SMYD3: variants seen among roughly 807,000 people sequenced by gnomAD.
SMYD3 encodes the protein histone-lysine N-methyltransferase SMYD3.
A neutral mutation model predicts 57.7 loss-of-function variants in SMYD3; 36 were observed. That is an observed-to-expected ratio of 0.62 (90% CI 0.48 to 0.82). The LOEUF (loss-of-function observed/expected upper bound fraction) is 0.82. SMYD3 is among the 40% of genes least tolerant of loss of function. SMYD3 has a pLI of 0.00. For synonymous variants in SMYD3, 211 were observed against 195.0 expected (o/e 1.08, Z -0.68); for missense variants, 515 against 538.8 (o/e 0.96, Z 0.44).
chr1:246,246,744 G>A (rs1480393571), intron 5 of SMYD3, among the ~76,000 whole-genome samples: 1 of 151,538 alleles, frequency 6.6e-6, no homozygotes, highest in Non-Finnish European at 1.5e-5. Context: ...TGTGGAAACT[G>A]AGCCACATAG....
In SMYD3 at chr1:246,244,049, C is replaced by CAT. The variant is rs772022411; in HGVS notation, c.531+83150_531+83151dup. 2.0e-4 allele frequency among the ~76,000 whole-genome samples: 30 copies of CAT among 150,658 alleles called. 1 individual carries two copies. The highest frequency in any genetic ancestry group is 8.5e-4 in the South Asian group (4 of 4,716). On this transcript the variant is annotated intron_variant, in intron 5 of 11. Coordinates refer to ENST00000490107, the MANE Select transcript of SMYD3 (RefSeq NM_001167740.2). ...TATATATATATTTTAACATGGGACT[C>CAT]ATATATATATATGAGTTAAAAAAAC...
At chr1:245,954,548 C>T (rs1224900447) in intron 5 of SMYD3, among the ~76,000 whole-genome samples, 8 of 152,114 alleles carry the variant, frequency 5.3e-5, no homozygotes, top group Non-Finnish European at 1.2e-4. Flanking sequence ...TGCTGGCAGG[C>T]ACCAGCAGTC....
chr1:245,873,076 T>A (rs968624187), intron 8 of SMYD3, among the ~76,000 whole-genome samples: 3 of 152,242 alleles, frequency 2.0e-5, no homozygotes, highest in African/African-American at 7.2e-5. Flanking sequence ...TTTGAGAGCC[T>A]ACCTCTTGTC....
intron 5 of SMYD3, among the ~76,000 whole-genome samples, chr1:246,002,246 G>A (rs11800325): frequency 0.15 from 20,784 of 143,082 alleles, 1,640 homozygotes; most frequent in East Asian, 0.2. Flanking sequence ...GTGCTGTGGC[G>A]CGATCTCGGC....
chr1:246,102,148 T>TA (rs1459466893), intron 5 of SMYD3, among the ~76,000 whole-genome samples: 1 of 152,196 alleles, frequency 6.6e-6, no homozygotes, highest in African/African-American at 2.4e-5. Context: ...TAGCAATGCT[T>TA]CCACTATGTA....
intron 5 of SMYD3, among the ~76,000 whole-genome samples, chr1:246,318,833 A>G (rs936450948): frequency 5.3e-5 from 8 of 152,252 alleles, no homozygotes; most frequent in Non-Finnish European, 1.2e-4. Flanking sequence ...ATGCTGATTA[A>G]GAACTTACTA....
intron 1 of SMYD3, among the ~76,000 whole-genome samples, chr1:246,502,301 T>C (rs2103078802): frequency 6.6e-6 from 1 of 152,052 alleles, no homozygotes; most frequent in East Asian, 1.9e-4. Flanking sequence ...CAGGTAATTA[T>C]TTGTATTTTT....
At chr1:246,283,237 T>C (rs549086755) in intron 5 of SMYD3, among the ~76,000 whole-genome samples, 2 of 152,318 alleles carry the variant, frequency 1.3e-5, no homozygotes, top group Non-Finnish European at 1.5e-5. Flanking sequence ...TCATCTACTT[T>C]CCTAAGCCAG....
chr1:245,986,948 T>G (rs1469680613), intron 5 of SMYD3, among the ~76,000 whole-genome samples: 1 of 152,242 alleles, frequency 6.6e-6, no homozygotes, highest in Non-Finnish European at 1.5e-5. Context: ...TTGCATTTTA[T>G]GTAAATGTCA....
chr1:245,804,115 A>G (rs1244314647), intron 10 of SMYD3, among the ~76,000 whole-genome samples: 1 of 151,672 alleles, frequency 6.6e-6, no homozygotes, highest in African/African-American at 2.4e-5. Context: ...GTTTCAACAT[A>G]TTGGCCAGGC....
intron 5 of SMYD3, chr1:246,326,870 G>A (rs983036316): frequency 1.5e-5 from 5 of 337,038 alleles, no homozygotes; most frequent in South Asian, 4.7e-5. Flanking sequence ...GCAATGCAAC[G>A]GCAAACAAGT....
chr1:246,272,936 T>C (rs1036932869), intron 5 of SMYD3, among the ~76,000 whole-genome samples: 13 of 152,276 alleles, frequency 8.5e-5, no homozygotes, highest in Admixed American at 4.6e-4. Context: ...TGTTGAGAGA[T>C]TATTGATTAC....
At chr1:245,936,301 C>T (rs1358835329) in intron 5 of SMYD3, among the ~76,000 whole-genome samples, 1 of 151,774 alleles carries the variant, frequency 6.6e-6, no homozygotes, top group Non-Finnish European at 1.5e-5. Flanking sequence ...TAGAGCATCT[C>T]AAGACATCTC....
chr1:246,057,930 T>G (rs995533665), intron 5 of SMYD3, among the ~76,000 whole-genome samples: 1 of 152,114 alleles, frequency 6.6e-6, no homozygotes, highest in East Asian at 1.9e-4. Context: ...TAAAAGTAAG[T>G]GATGTTATCA....
intron 1 of SMYD3, among the ~76,000 whole-genome samples, chr1:246,361,631 T>C (rs1313431308): frequency 6.6e-6 from 1 of 152,042 alleles, no homozygotes; most frequent in Admixed American, 6.6e-5. Context: ...AGGAACAAAA[T>C]AATGGCATTC....
intron 1 of SMYD3, among the ~76,000 whole-genome samples, chr1:246,362,308 A>T (rs2066000643): frequency 6.6e-6 from 1 of 152,172 alleles, no homozygotes; most frequent in South Asian, 2.1e-4. Flanking sequence ...ATTTAATTCA[A>T]TTACTACTTT....
intron 5 of SMYD3, among the ~76,000 whole-genome samples, chr1:245,977,491 C>T (rs888398099): frequency 1.3e-5 from 2 of 152,158 alleles, no homozygotes; most frequent in African/African-American, 4.8e-5. Flanking sequence ...CCAGCCTGGG[C>T]AACATGGTGA....
At chr1:246,473,486 C>G (rs531082760) in intron 1 of SMYD3, among the ~76,000 whole-genome samples, 1 of 152,192 alleles carries the variant, frequency 6.6e-6, no homozygotes, top group Non-Finnish European at 1.5e-5. Flanking sequence ...GTTTCAGAAC[C>G]ATTTTTCTAA....
intron 1 of SMYD3, among the ~76,000 whole-genome samples, chr1:246,441,910 CCTT>C (rs1558466811): frequency 6.6e-6 from 1 of 152,238 alleles, no homozygotes; most frequent in African/African-American, 2.4e-5. Flanking sequence ...ACGCGCCCCA[CCTT>C]CTTTCTCTTT....
Sources: allele counts gnomAD v4.1 joint callset (sites outside exome capture counted in the v4.1 genomes callset), GRCh38; gene constraint gnomAD v4.1.1; transcripts MANE v1.5; gene names NCBI Gene and HGNC (gene_info 2026-07-23, HGNC 2026-07-21).